The following MPP2 variants were observed in gnomAD, a reference collection of about 807,000 sequenced individuals.
MPP2 encodes MAGUK p55 scaffold protein 2, also known as MAGUK p55 subfamily member 2.
In MPP2, 42 loss-of-function variants were observed where a neutral mutation model predicts 58.5. The ratio of observed to expected loss-of-function variants is 0.72; its 90% CI spans 0.56 to 0.93. The LOEUF is 0.93. MPP2 is among the 40% of genes least tolerant of loss of function. The probability of loss-of-function intolerance (pLI) is 0.00; values close to 1 mark genes in which losing one functional copy is unlikely to be tolerated. For synonymous variants in MPP2, 300 were observed against 307.8 expected, an observed-to-expected ratio of 0.97 and a Z score of 0.26; for missense variants, 632 against 760.4, an observed-to-expected ratio of 0.83 and a Z score of 1.99.
In MPP2 at chr17:43,880,103, C is replaced by T. The variant is rs954619384; in HGVS notation, c.1151-119G>A. 1 of 919,398 alleles carries T rather than the reference C, an allele frequency of 1.1e-6. No individual in the cohort carries two copies. Among genetic ancestry groups the T allele is most frequent in the Non-Finnish European group, 1.7e-6 (1 of 598,472 alleles). 57.0% of individuals were successfully genotyped at this position (919,398 alleles called of 1,614,324 possible). The stretch of plus-strand genomic sequence containing the variant: ...CAGCCTTGGAGGTGCAGTCTGCTCC[C>T]CATCTTGCCAGCACTGCTGCCTTTG... On this transcript the variant is annotated intron_variant, in intron 10 of 12. Transcript: ENST00000269095. This position sits in a 1 kb window ranked among gnomAD's most constrained non-coding sequence, Gnocchi z 5.2.
intron 3 of MPP2, among the ~76,000 whole-genome samples, chr17:43,891,299 C>A (rs995267596): frequency 6.6e-6 from 1 of 152,124 alleles, no homozygotes; most frequent in African/African-American, 2.4e-5. Context: ...GTGGGTGGAT[C>A]ACCTGAGGTC....
intron 3 of MPP2, chr17:43,884,174 C>T (rs1182205176): frequency 7.1e-6 from 5 of 701,954 alleles, no homozygotes; most frequent in African/African-American, 5.2e-5. Flanking sequence ...AATTTAACAT[C>T]GATTCATTAA....
In MPP2 at chr17:43,879,353, G is replaced by A. The variant is rs746855624; in HGVS notation, c.1404C>T (p.Ile468=). The part of the protein sequence containing the change: ...TAEFVPYVVF[I]EAPDFETLRA... ...GCAGGGTCTCGAAGTCTGGGGCCTC[G>A]ATGAACACCACGTAAGGGACAAACT... is the stretch of plus-strand genomic sequence containing the variant. Residue 468 remains isoleucine (I), a synonymous_variant, in exon 12 of 13, where the codon ATC becomes ATT. Transcript: ENST00000269095. The surrounding 1 kb of genome is among the most constrained non-coding windows in gnomAD (Gnocchi z 4.1). The A allele has an allele frequency of 6.2e-6, 10 of 1,614,092 alleles. No homozygotes were observed. Among genetic ancestry groups the A allele is most frequent in the Admixed American group, 3.3e-5 (2 of 60,020 alleles).
chr17:43,880,795 C>T lies in MPP2; in HGVS notation c.1046G>A (p.Arg349His), dbSNP rs753093549. Residue 349 changes from arginine (R) to histidine (H), a missense_variant, in exon 10 of 13, where the codon CGC (arginine) becomes CAC (histidine). Coordinates refer to ENST00000269095, the MANE Select transcript of MPP2 (RefSeq NM_005374.5). This position sits in a 1 kb window ranked among gnomAD's most constrained non-coding sequence, Gnocchi z 5.2. ...YEEVARMPPF[R>H]RKTLVLIGAQ... ...CCCAATCAGTACCAGGGTTTTCCGG[C>T]GGAACGGGGGCATGCGGGCCACCTC... 10 of 1,613,420 alleles carry T rather than the reference C, an allele frequency of 6.2e-6. No homozygotes were observed. The highest frequency in any genetic ancestry group is 3.3e-5 in the South Asian group (3 of 90,996).
chr17:43,882,140 G>A (rs558481913), intron 6 of MPP2, 144 bp downstream of exon 6: 19 of 748,222 alleles, frequency 2.5e-5, no homozygotes, highest in Admixed American at 2.3e-4. Flanking sequence ...CGGCGGCTGC[G>A]GTCAGCTGCC....
rs993140082 is a variant in MPP2 at position 43,900,400 on chromosome 17, C to T, written c.32-2020G>A. On this transcript the variant is annotated intron_variant, in intron 2 of 12. Coordinates refer to ENST00000269095, the MANE Select transcript of MPP2 (RefSeq NM_005374.5). Reference sequence around the variant, plus strand: ...CTCCCAGGCCACCCTCCCCAGATGCCCCGACTCTGCTGGAGGAAGGTAGGC... The same window carrying T: ...CTCCCAGGCCACCCTCCCCAGATGCTCCGACTCTGCTGGAGGAAGGTAGGC... The T allele has an allele frequency of 6.9e-5, 105 of 1,520,698 alleles. No homozygotes were observed. The African/African-American group carries it at 1.3e-3, about 19-fold the overall frequency. The allele number at this position is 1,520,698 out of a possible 1,614,324, so 94.2% of individuals were successfully genotyped here. A position where few individuals can be genotyped will look rare whatever the true frequency, so the allele number is the denominator to read the frequency against.
At position 43,876,338 on chromosome 17, in the gene MPP2, T is replaced by TC. The variant is rs1446572375; in HGVS notation, c.*1468dup. On this transcript the variant is annotated 3_prime_UTR_variant, in exon 13 of 13. Transcript: ENST00000269095. ...CAGGTTGTCCCCTCTGAGGACAGGC[T>TC]CCCCCCGGAAGGAATGCAGAGAATA... 3 of 151,664 alleles carry TC rather than the reference T, an allele frequency of 2.0e-5. No individual in the cohort carries two copies. Among genetic ancestry groups the TC allele is most frequent in the African/African-American group, 2.4e-5 (1 of 41,066 alleles). The allele number at this position is 151,664 out of a possible 1,614,324, so 9.4% of individuals were successfully genotyped here. A position where few individuals can be genotyped will look rare whatever the true frequency, so the allele number is the denominator to read the frequency against.
intron 3 of MPP2, among the ~76,000 whole-genome samples, chr17:43,883,855 C>T (rs755212314): frequency 1.8e-4 from 27 of 152,162 alleles, no homozygotes; most frequent in Admixed American, 1.0e-3. Flanking sequence ...AATCAGAACA[C>T]GGTGCCAGGA....
Position 43,879,462 on chromosome 17 carries a change from G to A in MPP2, c.1354-59C>T. 6.3e-7 allele frequency: 1 copy of A among 1,599,564 alleles called. No individual in the cohort carries two copies. Among genetic ancestry groups the A allele is most frequent in the Non-Finnish European group, 8.5e-7 (1 of 1,169,878 alleles). Reference sequence around the variant, plus strand: ...CCCCATGTCTGTCCTAGGAACCAGAGAAAGGCTGTGAGGGTAACTGGGGTT... The same window carrying A: ...CCCCATGTCTGTCCTAGGAACCAGAAAAAGGCTGTGAGGGTAACTGGGGTT... On this transcript the variant is annotated intron_variant, in intron 11 of 12. Transcript: ENST00000269095. This position sits in a 1 kb window ranked among gnomAD's most constrained non-coding sequence, Gnocchi z 4.1.
intron 2 of MPP2, among the ~76,000 whole-genome samples, chr17:43,900,990 T>G (rs1381058928): frequency 6.6e-6 from 1 of 151,904 alleles, no homozygotes; most frequent in African/African-American, 2.4e-5. Context: ...CTGTACCCTC[T>G]TTTCTAGAAG....
At chr17:43,897,649 C>A (rs888396211) in intron 3 of MPP2, among the ~76,000 whole-genome samples, 1 of 152,170 alleles carries the variant, frequency 6.6e-6, no homozygotes, top group African/African-American at 2.4e-5. Flanking sequence ...CAATCCCCTG[C>A]ACACTCCTGA....
intron 3 of MPP2, among the ~76,000 whole-genome samples, chr17:43,888,433 G>C (rs1192412256): frequency 2.0e-5 from 3 of 152,234 alleles, no homozygotes; most frequent in Non-Finnish European, 4.4e-5. Context: ...TGGAGCCCCA[G>C]AGTGAGGGAG....
chr17:43,876,381 C>T lies in MPP2; in HGVS notation c.*1426G>A, dbSNP rs1315171345. Reference sequence around the variant, plus strand: ...AGAGAATAATGAAGGATGAGATGCCCAAGTACATCTAGGACAGCATTCTTT... The same window carrying T: ...AGAGAATAATGAAGGATGAGATGCCTAAGTACATCTAGGACAGCATTCTTT... On this transcript the variant is annotated 3_prime_UTR_variant, in exon 13 of 13. Transcript: ENST00000269095. 6.6e-6 allele frequency: 1 copy of T among 152,394 alleles called. No homozygotes were observed. The highest frequency in any genetic ancestry group is 1.5e-5 in the Non-Finnish European group (1 of 68,028). 9.4% of individuals were successfully genotyped at this position (152,394 alleles called of 1,614,324 possible).
rs922763665 is a variant in MPP2, at chr17:43,883,437, C to A, written c.151-82G>T. 24 of 1,479,672 alleles carry A rather than the reference C, an allele frequency of 1.6e-5. No homozygotes were observed. In the African/African-American group the frequency reaches 2.8e-4, roughly 17 times the overall value. The allele number at this position is 1,479,672 out of a possible 1,614,324, so 91.7% of individuals were successfully genotyped here. A position where few individuals can be genotyped will look rare whatever the true frequency, so the allele number is the denominator to read the frequency against. ...CCAAGCAGGGTCCTCCCTCAGCCCC[C>A]AGGCATTTTCCCCATCCCACCCCCC... On this transcript the variant is annotated intron_variant, in intron 3 of 12. Transcript: ENST00000269095.
chr17:43,897,829 T>G (rs1291752758), intron 3 of MPP2, among the ~76,000 whole-genome samples: 3 of 152,322 alleles, frequency 2.0e-5, no homozygotes, highest in South Asian at 4.1e-4. Flanking sequence ...ATGCATAGTG[T>G]ATCCACCTCT....
chr17:43,892,709 CA>C (rs1388417202), intron 3 of MPP2, among the ~76,000 whole-genome samples: 1 of 152,140 alleles, frequency 6.6e-6, no homozygotes, highest in Non-Finnish European at 1.5e-5. Flanking sequence ...TTGTGCTCTA[CA>C]AATCCGGAAC....
rs767163106 is a variant in MPP2, at chr17:43,882,890, G to A, written c.453+13C>T. Reference sequence around the variant, plus strand: ...CCTCACCAGCACCACCTCTGGCCCTGCCCAGTCCTCACCAGATGTTCTCCG... The same window carrying A: ...CCTCACCAGCACCACCTCTGGCCCTACCCAGTCCTCACCAGATGTTCTCCG... On this transcript the variant is annotated intron_variant, in intron 5 of 12. Coordinates refer to ENST00000269095, the MANE Select transcript of MPP2 (RefSeq NM_005374.5). 17 of 1,613,692 alleles carry A rather than the reference G, an allele frequency of 1.1e-5. No homozygotes were observed. In the African/African-American group the frequency reaches 1.6e-4, roughly 15 times the overall value.
intron 1 of MPP2, 196 bp downstream of exon 1, chr17:43,907,278 G>A (rs1353037013): frequency 5.1e-6 from 5 of 985,476 alleles, no homozygotes; most frequent in Non-Finnish European, 6.0e-6. Context: ...ATGGGCAGCG[G>A]GGCTTGGTTC....
rs11311164 is a variant in MPP2 at position 43,887,813 on chromosome 17, A to AT, written c.151-4459dup. Among the ~76,000 whole-genome samples the AT allele has an allele frequency of 6.0e-3, 901 of 151,312 alleles. 14 individuals are homozygous for AT. The highest frequency in any genetic ancestry group is 0.02 in the African/African-American group (842 of 41,214). ...AAATTCAAAAGAAAACTATTGTTTG[A>AT]TTTTTTTTTTAGGTGTGACAATAGT... is the stretch of plus-strand genomic sequence containing the variant. On this transcript the variant is annotated intron_variant, in intron 3 of 12. Coordinates refer to ENST00000269095, the MANE Select transcript of MPP2 (RefSeq NM_005374.5).
Sources: gnomAD v4.1 joint callset for allele counts (sites outside exome capture counted in the v4.1 genomes callset) on GRCh38, gnomAD v4.1.1 for gene constraint, Gnocchi (gnomAD v3.1) non-coding constraint, MANE v1.5 for transcripts, NCBI Gene and HGNC (gene_info 2026-07-23, HGNC 2026-07-21) for gene names.